Variants in GUCA1A observed in about 807,000 individuals in gnomAD.
GUCA1A encodes the protein guanylyl cyclase-activating protein 1.
In GUCA1A, 14 loss-of-function variants were observed where a neutral mutation model predicts 18.5. That is an observed-to-expected ratio of 0.76 (90% CI 0.50 to 1.18). GUCA1A has a LOEUF of 1.18. GUCA1A is among the 50% of genes most tolerant of loss of function. GUCA1A has a pLI of 0.00. For synonymous variants in GUCA1A, 97 were observed against 100.2 expected (o/e 0.97, Z 0.19); for missense variants, 264 against 262.4 (o/e 1.01, Z -0.04).
intron 1 of GUCA1A, among the ~76,000 whole-genome samples, chr6:42,174,702 T>C (rs1439766574): frequency 6.6e-6 from 1 of 152,214 alleles, no homozygotes; most frequent in Non-Finnish European, 1.5e-5. Flanking sequence ...AAGATGTTTG[T>C]TGGTTTTCAT....
chr6:42,175,027 G>T (rs1402055484), intron 1 of GUCA1A, among the ~76,000 whole-genome samples: 1 of 152,208 alleles, frequency 6.6e-6, no homozygotes, highest in Non-Finnish European at 1.5e-5. Context: ...GTATGAGGGA[G>T]CCCAAGGGCT....
chr6:42,178,851 A>G lies in GUCA1A; in HGVS notation c.401A>G (p.Glu134Gly), dbSNP rs757801734. 4 of 1,613,750 alleles carry G rather than the reference A, an allele frequency of 2.5e-6. No individual in the cohort carries two copies. Among genetic ancestry groups the G allele is most frequent in the Non-Finnish European group, 3.4e-6 (4 of 1,179,840 alleles). Residue 134 changes from glutamate (E) to glycine (G), a missense_variant, in exon 3 of 4, where the codon GAG becomes GGG. By Grantham distance (98) the Glu-to-Gly change is moderately conservative (BLOSUM62 -2). Coordinates refer to ENST00000372958, the MANE Select transcript of GUCA1A (RefSeq NM_001384910.1). ...PCSDTTMTAE[E>G]FTDTVFSKID... The stretch of plus-strand genomic sequence containing the variant: ...AGCGATACCACCATGACTGCAGAGG[A>G]GTTCACCGATACAGTGTTCTCCAAG...
At chr6:42,175,906 C>A (rs1458375427) in intron 1 of GUCA1A, among the ~76,000 whole-genome samples, 8 of 152,192 alleles carry the variant, frequency 5.3e-5, no homozygotes, top group African/African-American at 1.7e-4. Flanking sequence ...CCTCACTAAC[C>A]CCTGCCGTGA....
rs1399301862 is a variant in GUCA1A at position 42,173,420 on chromosome 6, ATCT to A, written c.-188_-186del. 1.9e-5 allele frequency: 12 copies of A among 630,318 alleles called. No homozygotes were observed. Among genetic ancestry groups the A allele is most frequent in the Non-Finnish European group, 3.1e-5 (11 of 351,032 alleles). 39.0% of individuals were successfully genotyped at this position (630,318 alleles called of 1,614,324 possible). A position where few individuals can be genotyped will look rare whatever the true frequency, so the allele number is the denominator to read the frequency against. On this transcript the variant is annotated 5_prime_UTR_variant, in exon 1 of 4. Coordinates refer to ENST00000372958, the MANE Select transcript of GUCA1A (RefSeq NM_001384910.1). ...TCTGTGAGTTTGAGTGTGGGCCATC[ATCT>A]TCTTCCTTCTGCTCTCTCCCTCTCC...
In GUCA1A at chr6:42,173,623, G is replaced by C. The variant is rs200110820; in HGVS notation, c.10G>C (p.Val4Leu). 4 of 1,613,886 alleles carry C rather than the reference G, an allele frequency of 2.5e-6. No homozygotes were observed. In the South Asian group the frequency reaches 4.4e-5, roughly 18 times the overall value. ...CCTGAAGGCCTGAGCAATGGGCAAC[G>C]TGATGGAGGGAAAGTCAGTGGAGGA... MGN[V>L]MEGKSVEELS... The change falls in exon 1 of 4, where the codon GTG (valine) becomes CTG (leucine). Residue 4 changes from valine to leucine, a missense_variant. Transcript: ENST00000372958.
chr6:42,174,822 A>G (rs1767906375), intron 1 of GUCA1A, among the ~76,000 whole-genome samples: 1 of 152,244 alleles, frequency 6.6e-6, no homozygotes, highest in Non-Finnish European at 1.5e-5. Flanking sequence ...AAAAGTGAGG[A>G]TGCAATGAGG....
At chr6:42,175,776 C>T (rs1176755638) in intron 1 of GUCA1A, among the ~76,000 whole-genome samples, 1 of 152,178 alleles carries the variant, frequency 6.6e-6, no homozygotes, top group Non-Finnish European at 1.5e-5. Flanking sequence ...AGTCTGGCCT[C>T]CTCCCTTATT....
intron 1 of GUCA1A, among the ~76,000 whole-genome samples, chr6:42,177,812 G>A (rs1228601347): frequency 6.6e-6 from 1 of 152,166 alleles, no homozygotes; most frequent in East Asian, 1.9e-4. Flanking sequence ...GGGGGCCTCA[G>A]CCCCTCAGGC....
Position 42,173,817 on chromosome 6 carries a change from G to T in GUCA1A, c.201+3G>T, listed in dbSNP as rs1033016113. 6.2e-7 allele frequency: 1 copy of T among 1,610,260 alleles called. No individual in the cohort carries two copies. On this transcript the variant is annotated splice_donor_region_variant and intron_variant, in intron 1 of 3. Transcript: ENST00000372958. ...TTGAGACTTTTGACTTCAACAAGGT[G>T]AGCAGGGGCCCAGTGGCAGGGAGGG...
intron 1 of GUCA1A, among the ~76,000 whole-genome samples, chr6:42,177,556 A>C (rs537147595): frequency 6.6e-6 from 1 of 152,308 alleles, no homozygotes; most frequent in Non-Finnish European, 1.5e-5. Context: ...ACATTAAAAA[A>C]AAAACCTGCA....
intron 1 of GUCA1A, 127 bp from the exon 2 acceptor site, chr6:42,178,153 C>A: frequency 9.0e-7 from 1 of 1,111,182 alleles, no homozygotes. Context: ...TCCGAGGGTC[C>A]GGGTCTCCCC....
chr6:42,176,806 A>G lies in GUCA1A; in HGVS notation c.202-1474A>G, dbSNP rs143500883. 4.2e-3 allele frequency among the ~76,000 whole-genome samples: 642 copies of G among 152,286 alleles called. 3 individuals carry two copies. The highest frequency in any genetic ancestry group is 0.014 in the African/African-American group (591 of 41,554). On this transcript the variant is annotated intron_variant, in intron 1 of 3. Transcript: ENST00000372958. The stretch of plus-strand genomic sequence containing the variant: ...GCACACAGGCCTGTTTTTGTAAATG[A>G]AGTTTTATTAGAACTCACCACATCT...
intron 1 of GUCA1A, among the ~76,000 whole-genome samples, chr6:42,174,021 A>T (rs951718670): frequency 6.6e-6 from 1 of 152,226 alleles, no homozygotes; most frequent in African/African-American, 2.4e-5. Flanking sequence ...AATGAGCACC[A>T]ACTGTGAATC....
chr6:42,176,401 A>AGTT (rs1767962284), intron 1 of GUCA1A, among the ~76,000 whole-genome samples: 1 of 150,988 alleles, frequency 6.6e-6, no homozygotes, highest in Non-Finnish European at 1.5e-5. Context: ...AGGATTGGGA[A>AGTT]GTTTTTGTTG....
Position 42,179,452 on chromosome 6 carries a change from T to G in GUCA1A, c.*49T>G, listed in dbSNP as rs1423784020. ...ACTAGCGGGTGGGGTGGTATGGTGG[T>G]GCCTGTTGGTGGTGTTCTTGTCTTA... On this transcript the variant is annotated 3_prime_UTR_variant, in exon 4 of 4. Coordinates refer to ENST00000372958, the MANE Select transcript of GUCA1A (RefSeq NM_001384910.1). 1 of 1,445,500 alleles carries G rather than the reference T, an allele frequency of 6.9e-7. No individual in the cohort carries two copies. The highest frequency in any genetic ancestry group is 9.4e-7 in the Non-Finnish European group (1 of 1,068,946). The allele number at this position is 1,445,500 out of a possible 1,614,324, so 89.5% of individuals were successfully genotyped here. A position where few individuals can be genotyped will look rare whatever the true frequency, so the allele number is the denominator to read the frequency against.
At chr6:42,178,172 T>C (rs1768006634) in intron 1 of GUCA1A, 108 bp from the exon 2 acceptor site, 2 of 1,334,502 alleles carry the variant, frequency 1.5e-6, no homozygotes, top group Non-Finnish European at 2.1e-6. Context: ...CCTCAGCGTC[T>C]CTTGGGGCTT....
At chr6:42,178,634 C>T in intron 2 of GUCA1A, 168 bp from the exon 3 acceptor site, 3 of 814,400 alleles carry the variant, frequency 3.7e-6, no homozygotes, top group Non-Finnish European at 6.5e-6. Context: ...TACCAAAAGA[C>T]GATAGAAGTT....
chr6:42,178,768 GCCCC>G, intron 2 of GUCA1A, 30 bp from the exon 3 acceptor site: 1 of 1,475,342 alleles, frequency 6.8e-7, no homozygotes, highest in Non-Finnish European at 9.5e-7. Context: ...ATAAGGATGG[GCCCC>G]TCTCACTTCT....
At chr6:42,178,496 G>A in intron 2 of GUCA1A, 67 bp downstream of exon 2, 1 of 1,390,872 alleles carries the variant, frequency 7.2e-7, no homozygotes, top group South Asian at 1.2e-5. Flanking sequence ...AGAGCCCAGG[G>A]TTAGAACAAC....
Sources: allele counts gnomAD v4.1 joint callset (sites outside exome capture counted in the v4.1 genomes callset), GRCh38; gene constraint gnomAD v4.1.1; transcripts MANE v1.5; gene names NCBI Gene and HGNC (gene_info 2026-07-23, HGNC 2026-07-21).